The following DMPK variants were observed in gnomAD, a reference collection of about 807,000 sequenced individuals.
DMPK encodes the protein DM1 protein kinase, also known as myotonin-protein kinase.
A neutral mutation model predicts 70.3 loss-of-function variants in DMPK; 32 were observed. The ratio of observed to expected loss-of-function variants is 0.46; its 90% CI spans 0.34 to 0.61. DMPK has a LOEUF of 0.61. Among genes scored for constraint, DMPK ranks in the 20% least tolerant of loss-of-function variants. DMPK has a pLI of 0.01. For synonymous variants in DMPK, 469 were observed against 390.9 expected (o/e 1.20, Z -2.36); for missense variants, 899 against 886.0 (o/e 1.01, Z -0.19).
chr19:45,770,802 G>C, intron 14 of DMPK, 162 bp from the exon 15 acceptor site: 1 of 988,468 alleles, frequency 1.0e-6, no homozygotes, highest in South Asian at 1.7e-5. Context: ...CTCGAATCCC[G>C]TCCGAACTCG....
At position 45,777,908 on chromosome 19, in the gene DMPK, A is replaced by C. The variant is rs758707798; in HGVS notation, c.676-35T>G. On this transcript the variant is annotated intron_variant, in intron 6 of 14. Coordinates refer to ENST00000291270, the MANE Select transcript of DMPK (RefSeq NM_004409.5). This position sits in a 1 kb window ranked among gnomAD's most constrained non-coding sequence, Gnocchi z 6.7. The stretch of plus-strand genomic sequence containing the variant: ...AAGGAGCAGAGCGAGGCTTGGGCCC[A>C]CCCCTCTGGGCCCACCAGCTCTGGG... 8 of 1,573,766 alleles carry C rather than the reference A, an allele frequency of 5.1e-6. No homozygotes were observed. In the South Asian group the frequency reaches 9.2e-5, roughly 18 times the overall value.
At chr19:45,778,260 C>G in intron 5 of DMPK, 40 bp from the exon 6 acceptor site, 3 of 1,571,604 alleles carry the variant, frequency 1.9e-6, no homozygotes, top group Non-Finnish European at 2.6e-6. Context: ...AAATGAACCT[C>G]CCTTCTGTGG....
Position 45,770,231 on chromosome 19 carries a change from G to T in DMPK, c.*257C>A, listed in dbSNP as rs1217943520. The T allele has an allele frequency of 3.4e-6, 1 of 298,266 alleles. No individual in the cohort carries two copies. The highest frequency in any genetic ancestry group is 4.8e-6 in the Non-Finnish European group (1 of 207,710). 18.5% of individuals were successfully genotyped at this position (298,266 alleles called of 1,614,324 possible). On this transcript the variant is annotated 3_prime_UTR_variant, in exon 15 of 15. Coordinates refer to ENST00000291270, the MANE Select transcript of DMPK (RefSeq NM_004409.5). ...AGCAGCAGCAGCAGCAGCAGCAGCA[G>T]CAGCAGCAGCAGCAGCAGCAGCAGC... is the stretch of plus-strand genomic sequence containing the variant.
At position 45,777,268 on chromosome 19, in the gene DMPK, A is replaced by G. The variant is rs1969821804; in HGVS notation, c.1146+59T>C. ...GAAGGTAGGCACTGTCCTTACTCCA[A>G]CTTTATGGAGGGAGCATGGGGAGGT... is the stretch of plus-strand genomic sequence containing the variant. On this transcript the variant is annotated intron_variant, in intron 8 of 14. Transcript: ENST00000291270. This position sits in a 1 kb window ranked among gnomAD's most constrained non-coding sequence, Gnocchi z 6.7. 9.4e-6 allele frequency: 14 copies of G among 1,497,128 alleles called. No individual in the cohort carries two copies. The East Asian group carries it at 3.1e-4, about 33-fold the overall frequency. The allele number at this position is 1,497,128 out of a possible 1,614,324, so 92.7% of individuals were successfully genotyped here.
At chr19:45,773,780 G>T (rs938895876) in intron 9 of DMPK, among the ~76,000 whole-genome samples, 3 of 151,968 alleles carry the variant, frequency 2.0e-5, no homozygotes, top group African/African-American at 7.3e-5. Context: ...AGCTAGGACT[G>T]CAGGCACAGA....
At chr19:45,780,842 C>T (rs1038957291) in intron 1 of DMPK, 5 of 153,244 alleles carry the variant, frequency 3.3e-5, no homozygotes, top group African/African-American at 1.2e-4. Flanking sequence ...GCAGCAGGAA[C>T]CCTGGCCCCC....
rs1186492909 is a variant in DMPK, at chr19:45,777,234, A to T, written c.1146+93T>A. 6 of 1,433,420 alleles carry T rather than the reference A, an allele frequency of 4.2e-6. No individual in the cohort carries two copies. The highest frequency in any genetic ancestry group is 5.5e-6 in the Non-Finnish European group (6 of 1,089,586). The allele number at this position is 1,433,420 out of a possible 1,614,324, so 88.8% of individuals were successfully genotyped here. ...AGGTGCTCTGGGGAATGAGTGATTC[A>T]GGACCCCAGAAGGTAGGCACTGTCC... On this transcript the variant is annotated intron_variant, in intron 8 of 14. Coordinates refer to ENST00000291270, the MANE Select transcript of DMPK (RefSeq NM_004409.5). This position sits in a 1 kb window ranked among gnomAD's most constrained non-coding sequence, Gnocchi z 6.7.
At position 45,776,009 on chromosome 19, in the gene DMPK, G is replaced by T. The variant is rs1200719769; in HGVS notation, c.1147-975C>A. Among the ~76,000 whole-genome samples the T allele has an allele frequency of 1.9e-5, 2 of 107,420 alleles. 1 individual carries two copies. Among genetic ancestry groups the T allele is most frequent in the African/African-American group, 6.3e-5 (2 of 31,614 alleles). 70.5% of individuals were successfully genotyped at this position (107,420 alleles called of 152,430 possible). A position where few individuals can be genotyped will look rare whatever the true frequency, so the allele number is the denominator to read the frequency against. On this transcript the variant is annotated intron_variant, in intron 8 of 14. Coordinates refer to ENST00000291270, the MANE Select transcript of DMPK (RefSeq NM_004409.5). ...CTAATTTTCTTGTATTTTTAGTAGA[G>T]ACGGGGTTTCACCGTGTTGGCCAGC...
Position 45,782,453 on chromosome 19 carries a change from C to T in DMPK, c.-101G>A, listed in dbSNP as rs904771536. 2.3e-6 allele frequency: 3 copies of T among 1,323,340 alleles called. No individual in the cohort carries two copies. The highest frequency in any genetic ancestry group is 3.0e-6 in the Non-Finnish European group (3 of 1,001,586). 82.0% of individuals were successfully genotyped at this position (1,323,340 alleles called of 1,614,324 possible). A position where few individuals can be genotyped will look rare whatever the true frequency, so the allele number is the denominator to read the frequency against. On this transcript the variant is annotated 5_prime_UTR_variant, in exon 1 of 15. An upstream start codon of the reference 5' UTR is lost. Transcript: ENST00000291270. ...TGTCCAGGCCCTGGAGCCCTGGCTG[C>T]ATGTCTGCCTGTCCCTGGCTGTCCC...
intron 8 of DMPK, 107 bp from the exon 9 acceptor site, chr19:45,775,141 A>G: frequency 1.3e-6 from 1 of 796,724 alleles, no homozygotes; most frequent in Non-Finnish European, 2.1e-6. Flanking sequence ...CTCAGGGCTT[A>G]TCTAAAGTGG....
At chr19:45,779,735 G>A (rs371284143) in intron 2 of DMPK, 43 bp downstream of exon 2, 262 of 729,108 alleles carry the variant, frequency 3.6e-4, no homozygotes, top group Non-Finnish European at 5.2e-4. Context: ...CCTATGCCCC[G>A]CCCACCACGA....
Position 45,781,483 on chromosome 19 carries a change from C to T in DMPK, c.160+710G>A, listed in dbSNP as rs145082393. Among the ~76,000 whole-genome samples the T allele has an allele frequency of 2.2e-3, 322 of 148,210 alleles. 4 individuals carry two copies. Among genetic ancestry groups the T allele is most frequent in the Non-Finnish European group, 4.0e-3 (267 of 67,126 alleles). The stretch of plus-strand genomic sequence containing the variant: ...TAAAGGACGCAGGGACCCGGGGTGG[C>T]GGGAATGGTGGCTGACCCACACGGC... On this transcript the variant is annotated intron_variant, in intron 1 of 14. Coordinates refer to ENST00000291270, the MANE Select transcript of DMPK (RefSeq NM_004409.5).
Position 45,775,748 on chromosome 19 carries a change from C to A in DMPK, c.1147-714G>T, listed in dbSNP as rs1456267163. ...GGCCAGGCTGGTCTTGAACTCCTGA[C>A]TTCCAGTGATCTGCCTGCCTCAGCC... On this transcript the variant is annotated intron_variant, in intron 8 of 14. Transcript: ENST00000291270. Among the ~76,000 whole-genome samples the A allele has an allele frequency of 2.7e-5, 3 of 109,958 alleles. 1 individual carries two copies. The highest frequency in any genetic ancestry group is 5.9e-5 in the Non-Finnish European group (3 of 51,234). The allele number at this position is 109,958 out of a possible 152,430, so 72.1% of individuals were successfully genotyped here.
At chr19:45,775,308 C>T (rs1275945726) in intron 8 of DMPK, 3 of 344,776 alleles carry the variant, frequency 8.7e-6, no homozygotes, top group East Asian at 7.1e-5. Flanking sequence ...GCTGAGATTA[C>T]AGGCGCCCTC....
At position 45,779,823 on chromosome 19, in the gene DMPK, G is replaced by A; in HGVS notation, c.207C>T (p.Asp69=). The A allele has an allele frequency of 6.3e-7, 1 of 1,588,556 alleles. No homozygotes were observed. The highest frequency in any genetic ancestry group is 1.7e-5 in the Admixed American group (1 of 57,170). ...CGATCACCTTCAGAATCTCGAAGTC[G>A]TCCCTCTGCAGTCGGACCTCCTTAA... ...VRLKEVRLQR[D]DFEILKVIGR... The change falls in exon 2 of 15, where the codon GAC becomes GAT. Residue 69 remains aspartate (D), a synonymous_variant. Transcript: ENST00000291270.
At position 45,778,596 on chromosome 19, in the gene DMPK, G is replaced by A; in HGVS notation, c.478C>T (p.Leu160=). 1 of 1,613,972 alleles carries A rather than the reference G, an allele frequency of 6.2e-7. No homozygotes were observed. The highest frequency in any genetic ancestry group is 8.5e-7 in the Non-Finnish European group (1 of 1,180,024). ...GGAATCCGCTCCCCAAACTTGCTCA[G>A]CAGTGTCAGCAGGTCCCCGCCCACG... ...YYVGGDLLTL[L]SKFGERIPAE... Residue 160 remains leucine, a synonymous_variant, in exon 5 of 15, where the codon CTG becomes TTG. Coordinates refer to ENST00000291270, the MANE Select transcript of DMPK (RefSeq NM_004409.5).
At position 45,778,190 on chromosome 19, in the gene DMPK, G is replaced by T; in HGVS notation, c.612C>A (p.Asp204Glu). The stretch of plus-strand genomic sequence containing the variant: ...CGGCCAGGCGGATGTGGCCACAGCG[G>T]TCCAGCAGGATGTTGTCGGGTTTGA... ...RDIKPDNILL[D>E]RCGHIRLADF... The change falls in exon 6 of 15, where the codon GAC becomes GAA. Residue 204 changes from aspartate (D) to glutamate (E), a missense_variant. By Grantham distance (45) the Asp-to-Glu change is conservative (BLOSUM62 2). This residue lies in a region of DMPK where 195 missense variants were observed against 259.7 expected (regional missense o/e 0.75). Transcript: ENST00000291270. 1 of 1,613,854 alleles carries T rather than the reference G, an allele frequency of 6.2e-7. No homozygotes were observed. The highest frequency in any genetic ancestry group is 8.5e-7 in the Non-Finnish European group (1 of 1,179,924).
At chr19:45,774,495 C>A (rs1969666095) in intron 9 of DMPK, among the ~76,000 whole-genome samples, 1 of 151,992 alleles carries the variant, frequency 6.6e-6, no homozygotes, top group Admixed American at 6.5e-5. Context: ...ATCTCCTGAC[C>A]TCATGATCCA....
Position 45,770,578 on chromosome 19 carries a change from A to G in DMPK, c.1800T>C (p.Arg600=), listed in dbSNP as rs1293256095. The change falls in exon 15 of 15, where the codon CGT becomes CGC. Residue 600 remains arginine (R), a synonymous_variant. Coordinates refer to ENST00000291270, the MANE Select transcript of DMPK (RefSeq NM_004409.5). ...ACCCAATGCAGCCCAGGGCGGCGGC[A>G]CGAGACAGAACAACGGCGAACAGGA... The part of the protein sequence containing the change: ...SLLLFAVVLS[R]AAALGCIGLV... 6.4e-7 allele frequency: 1 copy of G among 1,552,008 alleles called. No homozygotes were observed. The highest frequency in any genetic ancestry group is 2.0e-5 in the Admixed American group (1 of 51,110).
Sources: gnomAD v4.1 joint callset for allele counts (sites outside exome capture counted in the v4.1 genomes callset) on GRCh38, gnomAD v4.1.1 for gene constraint, gnomAD v4.1.1 regional missense constraint, Gnocchi (gnomAD v3.1) non-coding constraint, MANE v1.5 for transcripts, NCBI Gene and HGNC (gene_info 2026-07-23, HGNC 2026-07-21) for gene names.